Variants in KCNJ16 observed in about 807,000 individuals in gnomAD.
KCNJ16 encodes inward rectifier potassium channel 16.
Under a neutral mutation model 18.5 loss-of-function variants are expected in KCNJ16, and 15 were observed. That is an observed-to-expected ratio of 0.81 (90% CI 0.54 to 1.25). The LOEUF (loss-of-function observed/expected upper bound fraction) is 1.25. Among genes scored for constraint, KCNJ16 ranks in the 50% most tolerant of loss-of-function variants. KCNJ16 has a pLI of 0.00. For synonymous variants in KCNJ16, 174 were observed against 186.5 expected (o/e 0.93, Z 0.55); for missense variants, 523 against 525.7 (o/e 0.99, Z 0.05).
At chr17:70,092,605 AGATAGAT>A (rs1237577909) in intron 1 of KCNJ16, among the ~76,000 whole-genome samples, 1 of 147,452 alleles carries the variant, frequency 6.8e-6, no homozygotes, top group East Asian at 1.9e-4. Flanking sequence ...ATAGATAGAT[AGATAGAT>A]GAGATTCATA....
At chr17:70,106,530 C>T (rs2072935481) in intron 2 of KCNJ16, among the ~76,000 whole-genome samples, 2 of 152,232 alleles carry the variant, frequency 1.3e-5, no homozygotes, top group East Asian at 1.9e-4. Flanking sequence ...CCAAGTGGTG[C>T]AATTCCAAAG....
At chr17:70,116,600 T>G (rs2073416414) in intron 2 of KCNJ16, among the ~76,000 whole-genome samples, 1 of 152,188 alleles carries the variant, frequency 6.6e-6, no homozygotes, top group African/African-American at 2.4e-5. Flanking sequence ...GAGTCACATT[T>G]CTAGTAATTC....
chr17:70,129,957 G>C (rs79363355), intron 2 of KCNJ16, among the ~76,000 whole-genome samples: 4,970 of 151,286 alleles, frequency 0.033, 204 homozygotes, highest in East Asian at 0.12. Context: ...TTTTTTGGCA[G>C]AAGAAAAGAG....
At chr17:70,088,827 AG>A (rs1201129310) in intron 1 of KCNJ16, among the ~76,000 whole-genome samples, 1 of 152,062 alleles carries the variant, frequency 6.6e-6, no homozygotes, top group Non-Finnish European at 1.5e-5. Context: ...ATACCACAAT[AG>A]TTTTGCCTAG....
At chr17:70,105,026 G>C (rs1362984093) in intron 2 of KCNJ16, 1 of 152,564 alleles carries the variant, frequency 6.6e-6, no homozygotes, top group Non-Finnish European at 1.5e-5. Context: ...GCTCTTACAA[G>C]ATGAAAAGGA....
Position 70,119,513 on chromosome 17 carries a change from C to T in KCNJ16, c.-190-11366C>T, listed in dbSNP as rs1462521898. 2.0e-5 allele frequency among the ~76,000 whole-genome samples: 3 copies of T among 152,348 alleles called. No individual in the cohort carries two copies. In the East Asian group the frequency reaches 5.8e-4, roughly 29 times the overall value. ...GCCTCTGAAATCAAGTAAGAGGCTA[C>T]CAAGCCTCATAACTCTTGCATTCCA... On this transcript the variant is annotated intron_variant, in intron 2 of 3. Coordinates refer to ENST00000392671, the MANE Select transcript of KCNJ16 (RefSeq NM_170741.4).
intron 1 of KCNJ16, among the ~76,000 whole-genome samples, chr17:70,081,806 CTGTG>C (rs5821755): frequency 0.092 from 13,763 of 149,148 alleles, 1,923 homozygotes; most frequent in African/African-American, 0.31. Flanking sequence ...TCACCATGCT[CTGTG>C]TGTGTGTGTG....
Position 70,132,237 on chromosome 17 carries a change from T to C in KCNJ16, c.150T>C (p.Ile50=). 1 of 1,614,198 alleles carries C rather than the reference T, an allele frequency of 6.2e-7. No homozygotes were observed. The highest frequency in any genetic ancestry group is 8.5e-7 in the Non-Finnish European group (1 of 1,180,034). The stretch of plus-strand genomic sequence containing the variant: ...GCTGTAATGTCTACTTCAAGCACAT[T>C]TTTGGAGAATGGGGAAGCTATGTGG... ...DGSCNVYFKH[I]FGEWGSYVVD... is the part of the protein sequence containing the mutation. The change falls in exon 4 of 4, where the codon ATT becomes ATC. Residue 50 remains isoleucine (I), a synonymous_variant. Transcript: ENST00000392671.
chr17:70,130,977 T>C lies in KCNJ16; in HGVS notation c.-94+2T>C. ...ATTATACCATGGATGCTAAAAATGG[T>C]AAGAGCTGCATGTTCTGCCTTGATG... On this transcript the variant is annotated splice_donor_variant, in intron 3 of 3. Coordinates refer to ENST00000392671, the MANE Select transcript of KCNJ16 (RefSeq NM_170741.4). LOFTEE classifies it low-confidence loss of function (5UTR_SPLICE). The C allele has an allele frequency of 6.5e-7, 1 of 1,535,572 alleles. No homozygotes were observed. Among genetic ancestry groups the C allele is most frequent in the Non-Finnish European group, 8.7e-7 (1 of 1,146,474 alleles).
chr17:70,120,628 A>T (rs996039465), intron 2 of KCNJ16, among the ~76,000 whole-genome samples: 1 of 152,182 alleles, frequency 6.6e-6, no homozygotes, highest in Non-Finnish European at 1.5e-5. Context: ...AGAAGTAAGC[A>T]AAAGAGAGAG....
Position 70,133,254 on chromosome 17 carries a change from C to T in KCNJ16, c.1167C>T (p.Thr389=). 1 of 1,614,118 alleles carries T rather than the reference C, an allele frequency of 6.2e-7. No homozygotes were observed. Among genetic ancestry groups the T allele is most frequent in the Non-Finnish European group, 8.5e-7 (1 of 1,180,010 alleles). ...GCAGCTGTGAAAACCCTGAGGAGAC[C>T]ACCACTTCCGCCACACATGAATATA... The part of the protein sequence containing the change: ...IVSSCENPEE[T]TTSATHEYRE... Residue 389 remains threonine (T), a synonymous_variant, in exon 4 of 4, where the codon ACC becomes ACT. Transcript: ENST00000392671.
intron 1 of KCNJ16, among the ~76,000 whole-genome samples, chr17:70,099,588 GAGCTGGGGC>G (rs2072533922): frequency 6.6e-6 from 1 of 152,044 alleles, no homozygotes; most frequent in African/African-American, 2.4e-5. Flanking sequence ...TGTTGTGGAG[GAGCTGGGGC>G]AATAAATGCT....
At chr17:70,079,587 A>C (rs1350058467) in intron 1 of KCNJ16, among the ~76,000 whole-genome samples, 2 of 152,236 alleles carry the variant, frequency 1.3e-5, no homozygotes, top group Non-Finnish European at 2.9e-5. Context: ...AAAGAAATTA[A>C]GAATCATACT....
At chr17:70,097,751 T>C (rs1050950238) in intron 1 of KCNJ16, among the ~76,000 whole-genome samples, 2 of 152,178 alleles carry the variant, frequency 1.3e-5, no homozygotes, top group African/African-American at 2.4e-5. Flanking sequence ...CTGTATCCAC[T>C]CTTTCCTTGC....
intron 1 of KCNJ16, among the ~76,000 whole-genome samples, chr17:70,079,732 T>A (rs2071470968): frequency 6.6e-6 from 1 of 152,226 alleles, no homozygotes; most frequent in Non-Finnish European, 1.5e-5. Flanking sequence ...AGATGGAGTC[T>A]CACTCTATTG....
chr17:70,132,331 A>G lies in KCNJ16; in HGVS notation c.244A>G (p.Ile82Val), dbSNP rs774908645. ...GTTTGTGATATTTTCTTTATCTTAT[A>G]TTCTCTCGTGGTTGATATTTGGCTC... is the stretch of plus-strand genomic sequence containing the variant. The part of the protein sequence containing the change: ...HMFVIFSLSY[I>V]LSWLIFGSVF... The change falls in exon 4 of 4, where the codon ATT becomes GTT. Residue 82 changes from isoleucine (I) to valine (V), a missense_variant. Transcript: ENST00000392671. 1.2e-6 allele frequency: 2 copies of G among 1,614,140 alleles called. No homozygotes were observed. The highest frequency in any genetic ancestry group is 3.3e-5 in the Admixed American group (2 of 60,028).
At chr17:70,117,930 C>G (rs1236281786) in intron 2 of KCNJ16, among the ~76,000 whole-genome samples, 3 of 152,100 alleles carry the variant, frequency 2.0e-5, no homozygotes, top group Non-Finnish European at 4.4e-5. Flanking sequence ...CTCAAAGAAA[C>G]TAGGATAATA....
chr17:70,079,936 C>G (rs898297231), intron 1 of KCNJ16, among the ~76,000 whole-genome samples: 1 of 152,192 alleles, frequency 6.6e-6, no homozygotes, highest in African/African-American at 2.4e-5. Flanking sequence ...CTCCTAGCCT[C>G]AAGTAATCCA....
chr17:70,085,162 A>T (rs1166359514), intron 1 of KCNJ16, among the ~76,000 whole-genome samples: 3 of 152,208 alleles, frequency 2.0e-5, no homozygotes, highest in South Asian at 4.1e-4. Flanking sequence ...ACTATTTCTG[A>T]ATCTTTCGTG....
Sources: gnomAD v4.1 joint callset for allele counts (sites outside exome capture counted in the v4.1 genomes callset) on GRCh38, gnomAD v4.1.1 for gene constraint, MANE v1.5 for transcripts, NCBI Gene and HGNC (gene_info 2026-07-23, HGNC 2026-07-21) for gene names.